The following ACYP2 variants were observed in gnomAD, a reference collection of about 807,000 sequenced individuals.
ACYP2 encodes acylphosphatase 2, also known as acylphosphatase-2.
A neutral mutation model predicts 11.2 loss-of-function variants in ACYP2; 12 were observed. The ratio of observed to expected loss-of-function variants is 1.08; its 90% CI spans 0.69 to 1.74. ACYP2 has a LOEUF of 1.74. ACYP2 is among the 40% of genes most tolerant of loss of function. ACYP2 has a pLI of 0.00. For missense variants in ACYP2, 134 were observed against 101.9 expected (o/e 1.31, Z -1.35); for synonymous variants, 43 against 32.2 (o/e 1.33, Z -1.13).
intron 6 of ACYP2, among the ~76,000 whole-genome samples, chr2:54,267,112 AT>A (rs1688068812): frequency 6.6e-6 from 1 of 152,166 alleles, no homozygotes; most frequent in African/African-American, 2.4e-5. Context: ...GGGGAGAGGC[AT>A]TGATGCTATC....
chr2:54,013,489 G>T (rs1170198827), intron 2 of ACYP2, among the ~76,000 whole-genome samples: 1 of 151,710 alleles, frequency 6.6e-6, no homozygotes, highest in Non-Finnish European at 1.5e-5. Flanking sequence ...TAGTAGAGAC[G>T]CGGTTTCATC....
chr2:53,989,969 T>C (rs1672207098), intron 2 of ACYP2, among the ~76,000 whole-genome samples: 2 of 112,408 alleles, frequency 1.8e-5, no homozygotes, highest in Admixed American at 8.2e-5. Context: ...ATAAACCCTT[T>C]TCTTTTCTTT....
intron 6 of ACYP2, among the ~76,000 whole-genome samples, chr2:54,196,276 A>G (rs1287893771): frequency 6.6e-6 from 1 of 152,038 alleles, no homozygotes; most frequent in African/African-American, 2.4e-5. Context: ...GGCTCACTGA[A>G]ACCTCCGCTC....
chr2:54,024,334 C>G (rs1266293622), intron 2 of ACYP2, among the ~76,000 whole-genome samples: 1 of 152,132 alleles, frequency 6.6e-6, no homozygotes, highest in Non-Finnish European at 1.5e-5. Context: ...TCACTGTACT[C>G]CAGCCTGGGC....
chr2:54,158,794 T>C (rs888966657), intron 6 of ACYP2, among the ~76,000 whole-genome samples: 2 of 152,170 alleles, frequency 1.3e-5, no homozygotes, highest in Non-Finnish European at 2.9e-5. Flanking sequence ...GTAAAAAAAT[T>C]GTATTGATTT....
At chr2:54,115,905 G>GGGGGT (rs1447852707) in intron 4 of ACYP2, 149 bp downstream of exon 1, 23 of 1,049,172 alleles carry the variant, frequency 2.2e-5, no homozygotes, top group African/African-American at 4.7e-5. Flanking sequence ...GGCGGGGAGG[G>GGGGGT]AGGCGAAACG....
At chr2:54,075,326 C>G (rs936402514) in intron 4 of ACYP2, among the ~76,000 whole-genome samples, 1 of 151,974 alleles carries the variant, frequency 6.6e-6, no homozygotes, top group Non-Finnish European at 1.5e-5. Flanking sequence ...TGGTGAAACC[C>G]CGTTTCTACT....
At chr2:54,248,001 AGAT>A (rs1223029152) in intron 6 of ACYP2, among the ~76,000 whole-genome samples, 1 of 152,246 alleles carries the variant, frequency 6.6e-6, no homozygotes, top group Non-Finnish European at 1.5e-5. Flanking sequence ...AGACTTTAAC[AGAT>A]GATAACTATT....
chr2:54,208,736 A>G (rs1685200277), intron 6 of ACYP2, among the ~76,000 whole-genome samples: 1 of 151,802 alleles, frequency 6.6e-6, no homozygotes. Flanking sequence ...TATAGGTCTC[A>G]GTTATAGAGA....
At chr2:54,117,953 A>G (rs150804079) in intron 4 of ACYP2, among the ~76,000 whole-genome samples, 2 of 151,954 alleles carry the variant, frequency 1.3e-5, no homozygotes, top group South Asian at 4.2e-4. Context: ...CCCAGAATCC[A>G]TTGTATCATT....
intron 6 of ACYP2, among the ~76,000 whole-genome samples, chr2:54,264,652 C>T (rs1318301384): frequency 6.6e-6 from 1 of 152,162 alleles, no homozygotes. Flanking sequence ...TGGGTGGATG[C>T]ATATTATACA....
At chr2:54,213,580 G>A (rs1007527339) in intron 6 of ACYP2, among the ~76,000 whole-genome samples, 1 of 152,172 alleles carries the variant, frequency 6.6e-6, no homozygotes, top group African/African-American at 2.4e-5. Flanking sequence ...AACCTCGCCA[G>A]CATCTGTTAT....
intron 4 of ACYP2, among the ~76,000 whole-genome samples, chr2:54,098,666 C>T (rs1284878417): frequency 3.3e-5 from 5 of 151,718 alleles, no homozygotes; most frequent in African/African-American, 1.2e-4. Flanking sequence ...CTTCTCCCAA[C>T]ATAATTTGGT....
intron 3 of ACYP2, among the ~76,000 whole-genome samples, chr2:54,054,054 C>CCT (rs1675998168): frequency 6.6e-6 from 1 of 152,172 alleles, no homozygotes; most frequent in African/African-American, 2.4e-5. Flanking sequence ...TAACTCAGGC[C>CCT]CTAGGCCCAG....
chr2:54,040,576 T>A (rs1675170634), intron 2 of ACYP2, among the ~76,000 whole-genome samples: 1 of 152,134 alleles, frequency 6.6e-6, no homozygotes, highest in Non-Finnish European at 1.5e-5. Context: ...GAACAGGACC[T>A]AACATAGAAG....
At chr2:54,048,063 A>C (rs1051113922) in intron 2 of ACYP2, among the ~76,000 whole-genome samples, 1 of 152,198 alleles carries the variant, frequency 6.6e-6, no homozygotes, top group African/African-American at 2.4e-5. Context: ...AAGTCATTAG[A>C]ATCTGACAAA....
intron 6 of ACYP2, chr2:54,141,983 T>TTGTGTGTG (rs56673055): frequency 0.081 from 36,909 of 457,988 alleles, 952 homozygotes; most frequent in Non-Finnish European, 0.097. Context: ...GCTGGCTAAT[T>TTGTGTGTG]TGTGTGTGTG....
At chr2:54,083,423 C>T (rs570372804) in intron 4 of ACYP2, among the ~76,000 whole-genome samples, 1 of 152,124 alleles carries the variant, frequency 6.6e-6, no homozygotes, top group Non-Finnish European at 1.5e-5. Context: ...ATCTGTGAGC[C>T]GTAAAGACTT....
At chr2:54,302,086 A>G (rs2104171985) in intron 6 of ACYP2, among the ~76,000 whole-genome samples, 1 of 152,334 alleles carries the variant, frequency 6.6e-6, no homozygotes, top group Middle Eastern at 3.4e-3. Flanking sequence ...TGAGGACAAG[A>G]TACAGGCAGG....
Sources: gnomAD v4.1 joint callset for allele counts (sites outside exome capture counted in the v4.1 genomes callset) on GRCh38, gnomAD v4.1.1 for gene constraint, MANE v1.5 for transcripts, NCBI Gene and HGNC (gene_info 2026-07-23, HGNC 2026-07-21) for gene names.